RPTOR: variants seen among roughly 807,000 people sequenced by gnomAD.
RPTOR encodes the protein regulatory associated protein of MTOR complex 1, also known as regulatory-associated protein of mTOR.
A neutral mutation model predicts 169.9 loss-of-function variants in RPTOR; 21 were observed. The ratio of observed to expected loss-of-function variants is 0.12; its 90% CI spans 0.09 to 0.18. RPTOR has a LOEUF of 0.18. Among genes scored for constraint, RPTOR ranks in the 10% least tolerant of loss-of-function variants. The pLI, the probability that RPTOR is intolerant of heterozygous loss-of-function variation, is 1.00. For synonymous variants in RPTOR, 732 were observed against 753.2 expected (o/e 0.97, Z 0.46); for missense variants, 1,133 against 1,855.9 (o/e 0.61, Z 7.16).
At chr17:80,673,779 C>T (rs2143688049) in intron 3 of RPTOR, among the ~76,000 whole-genome samples, 1 of 152,342 alleles carries the variant, frequency 6.6e-6, no homozygotes, top group Non-Finnish European at 1.5e-5. Context: ...GTCTGCAGCT[C>T]ATCTGAGTGC....
chr17:80,685,871 C>T (rs1598221035), intron 3 of RPTOR, among the ~76,000 whole-genome samples: 1 of 151,136 alleles, frequency 6.6e-6, no homozygotes, highest in African/African-American at 2.4e-5. Context: ...CGGAAATGCC[C>T]GACAAGAACC....
intron 6 of RPTOR, among the ~76,000 whole-genome samples, chr17:80,755,896 C>G (rs557430305): frequency 9.2e-5 from 14 of 152,282 alleles, no homozygotes; most frequent in African/African-American, 3.4e-4. Context: ...GTCCTCTGCA[C>G]CCAGCGGAGC....
intron 5 of RPTOR, among the ~76,000 whole-genome samples, chr17:80,753,612 G>C (rs1254370796): frequency 1.7e-5 from 2 of 119,490 alleles, no homozygotes; most frequent in African/African-American, 6.5e-5. Flanking sequence ...CAGCCTGGGC[G>C]ACAGAGCGAA....
intron 9 of RPTOR, 131 bp from the exon 10 acceptor site, chr17:80,837,791 C>A: frequency 1.2e-6 from 1 of 802,232 alleles, no homozygotes; most frequent in Non-Finnish European, 2.1e-6. Flanking sequence ...ACATGCCCCC[C>A]ACCAGCTGCC....
intron 1 of RPTOR, among the ~76,000 whole-genome samples, chr17:80,555,400 C>G (rs137994775): frequency 2.0e-5 from 3 of 152,046 alleles, no homozygotes; most frequent in African/African-American, 7.2e-5. Context: ...AGTGTGTGTC[C>G]GGAGGGAGAT....
At chr17:80,568,540 G>C (rs912042674) in intron 1 of RPTOR, among the ~76,000 whole-genome samples, 3 of 152,070 alleles carry the variant, frequency 2.0e-5, no homozygotes, top group Non-Finnish European at 2.9e-5. Context: ...AATGTACCTT[G>C]GTGTAGTTTT....
chr17:80,949,283 G>A (rs1263721471), intron 27 of RPTOR, among the ~76,000 whole-genome samples, 160 bp from the exon 28 acceptor site: 2 of 152,122 alleles, frequency 1.3e-5, no homozygotes, highest in Non-Finnish European at 2.9e-5. Context: ...GAGTCCAGTC[G>A]GTGGGCACCC....
At chr17:80,685,415 A>G (rs976714000) in intron 3 of RPTOR, among the ~76,000 whole-genome samples, 1 of 150,366 alleles carries the variant, frequency 6.7e-6, no homozygotes, top group East Asian at 2.0e-4. Flanking sequence ...AGCTGGGACT[A>G]CGGCCGTGTA....
In RPTOR at chr17:80,560,427, C is replaced by G. The variant is rs141333608; in HGVS notation, c.162+14636C>G. Reference sequence around the variant, plus strand: ...GCTGCGGATACCATGGGGAGTAATTCCTGCGTTGAAGGTGTTTTCCAGTCT... The same window carrying G: ...GCTGCGGATACCATGGGGAGTAATTGCTGCGTTGAAGGTGTTTTCCAGTCT... On this transcript the variant is annotated intron_variant, in intron 1 of 33. Coordinates refer to ENST00000306801, the MANE Select transcript of RPTOR (RefSeq NM_020761.3). Among the ~76,000 whole-genome samples the G allele has an allele frequency of 3.5e-3, 530 of 152,256 alleles. 3 individuals carry two copies. The highest frequency in any genetic ancestry group is 0.012 in the African/African-American group (512 of 41,548).
chr17:80,751,797 C>T (rs910233823), intron 5 of RPTOR, among the ~76,000 whole-genome samples: 10 of 152,198 alleles, frequency 6.6e-5, no homozygotes, highest in African/African-American at 1.7e-4. Context: ...GGATCTGGGA[C>T]GACCAGTCTC....
intron 6 of RPTOR, among the ~76,000 whole-genome samples, chr17:80,760,714 C>A (rs920999316): frequency 2.6e-5 from 4 of 152,172 alleles, no homozygotes; most frequent in African/African-American, 9.7e-5. Context: ...CAGATGACGG[C>A]TGTGCGTGTC....
Position 80,721,147 on chromosome 17 carries a change from T to A in RPTOR, c.508-9413T>A, listed in dbSNP as rs889919726. Among the ~76,000 whole-genome samples the A allele has an allele frequency of 1.3e-5, 2 of 150,138 alleles. No homozygotes were observed. The highest frequency in any genetic ancestry group is 5.0e-5 in the African/African-American group (2 of 39,928). On this transcript the variant is annotated intron_variant, in intron 4 of 33. Transcript: ENST00000306801. The surrounding 1 kb of genome is among the most constrained non-coding windows in gnomAD (Gnocchi z 4.7). ...AGCTAGACAAGGGGAGGCCTGGGAGTGCGAGGGGGCTCTGGTGACAGGAAG... is the reference window on the plus strand; with the variant it reads ...AGCTAGACAAGGGGAGGCCTGGGAGAGCGAGGGGGCTCTGGTGACAGGAAG...
At chr17:80,864,359 G>C (rs2067960202) in intron 13 of RPTOR, among the ~76,000 whole-genome samples, 1 of 143,168 alleles carries the variant, frequency 7.0e-6, no homozygotes, top group Non-Finnish European at 1.5e-5. Flanking sequence ...TCCTACAGAT[G>C]GAAAAGGTGA....
intron 16 of RPTOR, 146 bp from the exon 17 acceptor site, chr17:80,884,862 A>T: frequency 9.2e-7 from 1 of 1,082,414 alleles, no homozygotes; most frequent in Non-Finnish European, 1.3e-6. Flanking sequence ...TGCCACTCTG[A>T]TAGTGCGAGG....
At chr17:80,739,200 C>G (rs2066462029) in intron 5 of RPTOR, among the ~76,000 whole-genome samples, 1 of 36,716 alleles carries the variant, frequency 2.7e-5, no homozygotes, top group Non-Finnish European at 6.6e-5. Flanking sequence ...AGGCAGATGT[C>G]TTTCACAAAG....
chr17:80,585,166 TTTATTATTATTA>T (rs150653828), intron 1 of RPTOR, among the ~76,000 whole-genome samples: 50 of 141,576 alleles, frequency 3.5e-4, no homozygotes, highest in Admixed American at 1.1e-3. Context: ...AGTGCTTTGG[TTTATTATTATTA>T]TTATTATTAT....
In RPTOR at chr17:80,682,823, G is replaced by A. The variant is rs185302434; in HGVS notation, c.349-25018G>A. On this transcript the variant is annotated intron_variant, in intron 3 of 33. Transcript: ENST00000306801. ...TTTTCTTAAAAAAAAGAAAAATAGC[G>A]TCTTGCTGTGTTCCCCAGGCTGGAG... Among the ~76,000 whole-genome samples the A allele has an allele frequency of 3.1e-3, 474 of 151,748 alleles. 2 individuals carry two copies. The highest frequency in any genetic ancestry group is 0.011 in the African/African-American group (442 of 41,278).
chr17:80,832,902 A>C (rs2067521628), intron 9 of RPTOR, among the ~76,000 whole-genome samples: 1 of 152,250 alleles, frequency 6.6e-6, no homozygotes, highest in Non-Finnish European at 1.5e-5. Flanking sequence ...AGAGGGAACA[A>C]AGCCTAACAA....
At chr17:80,554,266 T>C (rs2084379408) in intron 1 of RPTOR, among the ~76,000 whole-genome samples, 1 of 152,062 alleles carries the variant, frequency 6.6e-6, no homozygotes, top group African/African-American at 2.4e-5. Context: ...TTTATTCAAA[T>C]AGATTGCAAC....
Sources: allele counts gnomAD v4.1 joint callset (sites outside exome capture counted in the v4.1 genomes callset), GRCh38; gene constraint gnomAD v4.1.1; non-coding constraint Gnocchi (gnomAD v3.1); transcripts MANE v1.5; gene names NCBI Gene and HGNC (gene_info 2026-07-23, HGNC 2026-07-21).